The following ICAM1 variants were observed in gnomAD, a reference collection of about 807,000 sequenced individuals.
ICAM1 encodes ICAM-1.
ICAM1 carries 28 observed loss-of-function variants against 42.3 expected under a neutral mutation model. The observed-to-expected ratio is 0.66, with a 90% CI of 0.49 to 0.91. The LOEUF is 0.91. Ranked by LOEUF, ICAM1 falls within the 40% of genes least tolerant of loss-of-function variation. The pLI, the probability that ICAM1 is intolerant of heterozygous loss-of-function variation, is 0.00. For synonymous variants in ICAM1, 304 were observed against 305.9 expected (o/e 0.99, Z 0.07); for missense variants, 637 against 688.6 (o/e 0.93, Z 0.84).
chr19:10,278,194 C>G (rs758729696), intron 2 of ICAM1, among the ~76,000 whole-genome samples: 25 of 152,274 alleles, frequency 1.6e-4, no homozygotes, highest in Non-Finnish European at 2.6e-4. Context: ...AAGACCCTGT[C>G]TCTAAAAAAT....
intron 1 of ICAM1, among the ~76,000 whole-genome samples, chr19:10,272,459 A>C (rs2039988117): frequency 6.6e-6 from 1 of 151,736 alleles, no homozygotes; most frequent in Admixed American, 6.6e-5. Flanking sequence ...GGAATCTTTG[A>C]GTGAGGCAGT....
rs143008699 is a variant in ICAM1 at position 10,284,456 on chromosome 19, G to C, written c.979G>C (p.Glu327Gln). The change falls in exon 5 of 7, where the codon GAG becomes CAG. Residue 327 changes from glutamate to glutamine, a missense_variant. Glu to Gln is a conservative substitution (Grantham distance 29, BLOSUM62 2). Coordinates refer to ENST00000264832, the MANE Select transcript of ICAM1 (RefSeq NM_000201.3). The surrounding 1 kb of genome is among the most constrained non-coding windows in gnomAD (Gnocchi z 5.4). Reference sequence around the variant, plus strand: ...GAAGCCAGAGGTCTCAGAAGGGACCGAGGTGACAGTGAAGTGTGAGGCCCA... The same window carrying C: ...GAAGCCAGAGGTCTCAGAAGGGACCCAGGTGACAGTGAAGTGTGAGGCCCA... Reference protein sequence around the residue: ...LTKPEVSEGTEVTVKCEAHPR... With the variant: ...LTKPEVSEGTQVTVKCEAHPR... 4.3e-6 allele frequency: 7 copies of C among 1,613,846 alleles called. No individual in the cohort carries two copies. Among genetic ancestry groups the C allele is most frequent in the Non-Finnish European group, 5.9e-6 (7 of 1,180,026 alleles).
At position 10,284,884 on chromosome 19, in the gene ICAM1, G is replaced by A. The variant is rs147723291; in HGVS notation, c.1282G>A (p.Glu428Lys). The change falls in exon 6 of 7, where the codon GAG (glutamate) becomes AAG (lysine). Residue 428 changes from glutamate to lysine, a missense_variant. Glu to Lys is a moderately conservative substitution (Grantham distance 56). Coordinates refer to ENST00000264832, the MANE Select transcript of ICAM1 (RefSeq NM_000201.3). This position sits in a 1 kb window ranked among gnomAD's most constrained non-coding sequence, Gnocchi z 5.4. ...CCAGGCTTGGGGGAACCCATTGCCC[G>A]AGCTCAAGTGTCTAAAGGATGGCAC... ...MCQAWGNPLP[E>K]LKCLKDGTFP... The A allele has an allele frequency of 6.8e-5, 108 of 1,595,100 alleles. 1 individual carries two copies. In the Admixed American group the frequency reaches 8.3e-4, roughly 12 times the overall value.
At chr19:10,281,764 C>T (rs186918211) in intron 2 of ICAM1, among the ~76,000 whole-genome samples, 285 of 134,222 alleles carry the variant, frequency 2.1e-3, no homozygotes, top group Non-Finnish European at 3.5e-3. Context: ...GACTCTCACT[C>T]TGTCACTCAG....
intron 2 of ICAM1, among the ~76,000 whole-genome samples, chr19:10,277,460 G>T (rs1273430366): frequency 4.0e-5 from 6 of 149,120 alleles, no homozygotes; most frequent in Non-Finnish European, 8.9e-5. Flanking sequence ...ATTACAACGT[G>T]AGCCACTTTG....
At position 10,284,261 on chromosome 19, in the gene ICAM1, C is replaced by G. The variant is rs147925015; in HGVS notation, c.866C>G (p.Thr289Arg). The G allele has an allele frequency of 1.1e-5, 18 of 1,613,878 alleles. No homozygotes were observed. The highest frequency in any genetic ancestry group is 1.5e-5 in the Non-Finnish European group (18 of 1,180,020). ...TAEDEGTQRL[T>R]CAVILGNQSQ... Reference sequence around the variant, plus strand: ...GAGGACGAGGGCACCCAGCGGCTGACGTGTGCAGTAATACTGGGGAACCAG... The same window carrying G: ...GAGGACGAGGGCACCCAGCGGCTGAGGTGTGCAGTAATACTGGGGAACCAG... The change falls in exon 4 of 7, where the codon ACG becomes AGG. Residue 289 changes from threonine to arginine, a missense_variant. Transcript: ENST00000264832. This position sits in a 1 kb window ranked among gnomAD's most constrained non-coding sequence, Gnocchi z 5.4.
chr19:10,274,427 G>A (rs2145489175), intron 1 of ICAM1, among the ~76,000 whole-genome samples: 1 of 150,198 alleles, frequency 6.7e-6, no homozygotes, highest in South Asian at 2.1e-4. Flanking sequence ...TGATTCTTGT[G>A]CCTCAGCCTC....
At position 10,285,028 on chromosome 19, in the gene ICAM1, T is replaced by C; in HGVS notation, c.1426T>C (p.Ser476Pro). The change falls in exon 6 of 7, where the codon TCC becomes CCC. Residue 476 changes from serine (S) to proline (P), a missense_variant and splice_region_variant. Coordinates refer to ENST00000264832, the MANE Select transcript of ICAM1 (RefSeq NM_000201.3). ...VTRKVTVNVL[S>P]PRYEIVIITV... ...CCGCAAGGTGACCGTGAATGTGCTC[T>C]GTGAGTGAGCCGGCGGGCAGAGCTG... 6.2e-7 allele frequency: 1 copy of C among 1,613,722 alleles called. No individual in the cohort carries two copies. The highest frequency in any genetic ancestry group is 1.1e-5 in the South Asian group (1 of 91,032).
intron 2 of ICAM1, among the ~76,000 whole-genome samples, chr19:10,280,347 G>A (rs1208465085): frequency 2.0e-5 from 3 of 151,782 alleles, no homozygotes; most frequent in Non-Finnish European, 4.4e-5. Flanking sequence ...TTTTGTTTTT[G>A]TTTTTAACAG....
At position 10,284,718 on chromosome 19, in the gene ICAM1, C is replaced by CA; in HGVS notation, c.1180+62dup. The CA allele has an allele frequency of 2.5e-6, 4 of 1,609,344 alleles. No homozygotes were observed. Among genetic ancestry groups the CA allele is most frequent in the Non-Finnish European group, 3.4e-6 (4 of 1,178,686 alleles). Reference sequence around the variant, plus strand: ...CAAGGCCCAATCTCCCTGAAGGTCCCATAAGGTCTTGCCTCCAAGTCCTGC... The same window carrying CA: ...CAAGGCCCAATCTCCCTGAAGGTCCCAATAAGGTCTTGCCTCCAAGTCCTGC... On this transcript the variant is annotated intron_variant, in intron 5 of 6. Coordinates refer to ENST00000264832, the MANE Select transcript of ICAM1 (RefSeq NM_000201.3). The surrounding 1 kb of genome is among the most constrained non-coding windows in gnomAD (Gnocchi z 5.4).
Position 10,283,723 on chromosome 19 carries a change from C to T in ICAM1, c.574C>T (p.Leu192=), listed in dbSNP as rs764395911. 11 of 1,613,736 alleles carry T rather than the reference C, an allele frequency of 6.8e-6. No individual in the cohort carries two copies. The highest frequency in any genetic ancestry group is 9.3e-6 in the Non-Finnish European group (11 of 1,179,862). The part of the protein sequence containing the change: ...ANFSCRTELD[L]RPQGLELFEN... ...TTTCTCGTGCCGCACTGAACTGGAC[C>T]TGCGGCCCCAAGGGCTGGAGCTGTT... The change falls in exon 3 of 7, where the codon CTG becomes TTG. Residue 192 remains leucine (L), a synonymous_variant. Coordinates refer to ENST00000264832, the MANE Select transcript of ICAM1 (RefSeq NM_000201.3).
At position 10,284,868 on chromosome 19, in the gene ICAM1, G is replaced by A; in HGVS notation, c.1266G>A (p.Trp422Ter). The A allele has an allele frequency of 6.3e-7, 1 of 1,596,202 alleles. No homozygotes were observed. Among genetic ancestry groups the A allele is most frequent in the Non-Finnish European group, 8.5e-7 (1 of 1,173,776 alleles). The change falls in exon 6 of 7, where the codon TGG becomes TGA. Residue 422 changes from tryptophan to a stop codon, truncating the protein, a stop_gained. Coordinates refer to ENST00000264832, the MANE Select transcript of ICAM1 (RefSeq NM_000201.3). LOFTEE classifies it high-confidence loss of function. The surrounding 1 kb of genome is among the most constrained non-coding windows in gnomAD (Gnocchi z 5.4). The stretch of plus-strand genomic sequence containing the variant: ...AGCAGACTCCAATGTGCCAGGCTTG[G>A]GGGAACCCATTGCCCGAGCTCAAGT... ...NSQQTPMCQA[W>*]GNPLPELKCL...
Position 10,272,560 on chromosome 19 carries a change from C to CTTTT in ICAM1, c.67+1353_67+1356dup, listed in dbSNP as rs1174775027. 2.1e-3 allele frequency among the ~76,000 whole-genome samples: 119 copies of CTTTT among 56,110 alleles called. 2 individuals carry two copies. The highest frequency in any genetic ancestry group is 4.1e-3 in the African/African-American group (75 of 18,104). 36.8% of individuals were successfully genotyped at this position (56,110 alleles called of 152,430 possible). A position where few individuals can be genotyped will look rare whatever the true frequency, so the allele number is the denominator to read the frequency against. On this transcript the variant is annotated intron_variant, in intron 1 of 6. Coordinates refer to ENST00000264832, the MANE Select transcript of ICAM1 (RefSeq NM_000201.3). ...GCCCCTTCTTTCTTTCTTTTCTTTT[C>CTTTT]TTTTTTTTTTTTTTTTTTTTTTGAG...
rs769975581 is a variant in ICAM1 at position 10,283,648 on chromosome 19, G to T, written c.499G>T (p.Ala167Ser). The stretch of plus-strand genomic sequence containing the variant: ...ACGGGAGCCAGCTGTGGGGGAGCCC[G>T]CTGAGGTCACGACCACGGTGCTGGT... ...LKREPAVGEPAEVTTTVLVRR... is the reference protein window; with the variant it reads ...LKREPAVGEPSEVTTTVLVRR... Residue 167 changes from alanine (A) to serine (S), a missense_variant, in exon 3 of 7, where the codon GCT becomes TCT. Physicochemically the swap from Ala to Ser is moderately conservative, Grantham distance 99. Coordinates refer to ENST00000264832, the MANE Select transcript of ICAM1 (RefSeq NM_000201.3). 1.7e-5 allele frequency: 27 copies of T among 1,613,828 alleles called. No individual in the cohort carries two copies. The South Asian group carries it at 2.6e-4, about 16-fold the overall frequency.
In ICAM1 at chr19:10,274,808, C is replaced by CTGTGT; in HGVS notation, c.111_112insTGTGT (p.Leu38CysfsTer11). 1 of 1,614,186 alleles carries CTGTGT rather than the reference C, an allele frequency of 6.2e-7. No individual in the cohort carries two copies. Among genetic ancestry groups the CTGTGT allele is most frequent in the Non-Finnish European group, 8.5e-7 (1 of 1,180,026 alleles). ...CATCTGTGTCCCCCTCAAAAGTCAT[C>CTGTGT]CTGCCCCGGGGAGGCTCCGTGCTGG... On this transcript the variant is annotated frameshift_variant, in exon 2 of 7. Coordinates refer to ENST00000264832, the MANE Select transcript of ICAM1 (RefSeq NM_000201.3). LOFTEE classifies it high-confidence loss of function.
rs753247072 is a variant in ICAM1 at position 10,285,203 on chromosome 19, C to T, written c.1515C>T (p.Arg505=). ...GCCTCAGCACGTACCTCTATAACCG[C>T]CAGCGGAAGATCAAGAAATACAGAC... is the stretch of plus-strand genomic sequence containing the variant. ...TAGLSTYLYN[R]QRKIKKYRLQ... The change falls in exon 7 of 7, where the codon CGC becomes CGT. Residue 505 remains arginine, a synonymous_variant. Coordinates refer to ENST00000264832, the MANE Select transcript of ICAM1 (RefSeq NM_000201.3). 5 of 1,614,052 alleles carry T rather than the reference C, an allele frequency of 3.1e-6. No individual in the cohort carries two copies. In the African/African-American group the frequency reaches 6.7e-5, roughly 22 times the overall value.
At position 10,284,692 on chromosome 19, in the gene ICAM1, C is replaced by G. The variant is rs2040089333; in HGVS notation, c.1180+35C>G. 6.2e-7 allele frequency: 1 copy of G among 1,612,874 alleles called. No homozygotes were observed. The highest frequency in any genetic ancestry group is 1.1e-5 in the South Asian group (1 of 91,044). ...GCTGCTGGTCAATGGCCCCTATCCC[C>G]CAAGGCCCAATCTCCCTGAAGGTCC... On this transcript the variant is annotated intron_variant, in intron 5 of 6. Transcript: ENST00000264832. This position sits in a 1 kb window ranked among gnomAD's most constrained non-coding sequence, Gnocchi z 5.4.
Position 10,271,190 on chromosome 19 carries a change from C to T in ICAM1, c.31C>T (p.Pro11Ser), listed in dbSNP as rs770635391. Reference sequence around the variant, plus strand: ...TCCCAGCAGCCCCCGGCCCGCGCTGCCCGCACTCCTGGTCCTGCTCGGGGC... The same window carrying T: ...TCCCAGCAGCCCCCGGCCCGCGCTGTCCGCACTCCTGGTCCTGCTCGGGGC... MAPSSPRPALPALLVLLGALF... is the reference protein window; with the variant it reads MAPSSPRPALSALLVLLGALF... The change falls in exon 1 of 7, where the codon CCC (proline) becomes TCC (serine). Residue 11 changes from proline (P) to serine (S), a missense_variant. Transcript: ENST00000264832. 1.2e-6 allele frequency: 2 copies of T among 1,613,390 alleles called. No homozygotes were observed. The highest frequency in any genetic ancestry group is 2.2e-5 in the East Asian group (1 of 44,856).
At chr19:10,281,702 G>A (rs553053997) in intron 2 of ICAM1, among the ~76,000 whole-genome samples, 1 of 148,292 alleles carries the variant, frequency 6.7e-6, no homozygotes, top group Admixed American at 6.9e-5. Context: ...TCAAATGCAG[G>A]ACCCCCCCGG....
Sources: allele counts gnomAD v4.1 joint callset (sites outside exome capture counted in the v4.1 genomes callset), GRCh38; gene constraint gnomAD v4.1.1; non-coding constraint Gnocchi (gnomAD v3.1); transcripts MANE v1.5; gene names NCBI Gene and HGNC (gene_info 2026-07-23, HGNC 2026-07-21).